Variants in NIBAN1 observed in about 807,000 individuals in gnomAD.
NIBAN1 encodes the protein protein Niban 1.
Under a neutral mutation model 75.1 loss-of-function variants are expected in NIBAN1, and 81 were observed. The observed-to-expected ratio is 1.08, with a 90% CI of 0.90 to 1.30. The LOEUF (loss-of-function observed/expected upper bound fraction) is 1.30, where lower values mean the gene tolerates loss of function less well. Among genes scored for constraint, NIBAN1 ranks in the 50% most tolerant of loss-of-function variants. The pLI is 0.00. For synonymous variants in NIBAN1, 436 were observed against 424.8 expected (o/e 1.03, Z -0.32); for missense variants, 1,133 against 1,128.1 (o/e 1.00, Z -0.06).
chr1:184,896,188 G>T (rs1433022311), intron 2 of NIBAN1, among the ~76,000 whole-genome samples: 2 of 152,094 alleles, frequency 1.3e-5, no homozygotes, highest in Non-Finnish European at 2.9e-5. Context: ...CAGTGTATGA[G>T]CATTTCCTTT....
chr1:184,915,742 G>T (rs939577178), intron 1 of NIBAN1, among the ~76,000 whole-genome samples: 1 of 152,194 alleles, frequency 6.6e-6, no homozygotes, highest in African/African-American at 2.4e-5. Context: ...AATGTAATTT[G>T]AATAACAGAT....
chr1:184,803,320 T>G (rs529051686), intron 12 of NIBAN1, among the ~76,000 whole-genome samples: 316 of 152,360 alleles, frequency 2.1e-3, no homozygotes, highest in Non-Finnish European at 3.9e-3. Flanking sequence ...GGTCAGCATA[T>G]CTGGCTAGCA....
intron 12 of NIBAN1, 105 bp from the exon 13 acceptor site, chr1:184,798,295 G>T (rs1366315639): frequency 1.5e-6 from 1 of 651,700 alleles, no homozygotes; most frequent in East Asian, 2.9e-5. Context: ...CTTCTTGGAG[G>T]GCATAAGAGA....
chr1:184,916,312 G>A (rs990874760), intron 1 of NIBAN1, among the ~76,000 whole-genome samples: 18 of 152,046 alleles, frequency 1.2e-4, no homozygotes, highest in African/African-American at 4.4e-4. Flanking sequence ...AGTTGTAATA[G>A]GTAAATACAT....
At chr1:184,922,960 T>A (rs758813050) in intron 1 of NIBAN1, among the ~76,000 whole-genome samples, 1 of 152,208 alleles carries the variant, frequency 6.6e-6, no homozygotes, top group Non-Finnish European at 1.5e-5. Flanking sequence ...ACATTCTGGT[T>A]ATCAGCCCCT....
chr1:184,863,742 G>T (rs1359035130), intron 5 of NIBAN1, among the ~76,000 whole-genome samples: 3 of 152,082 alleles, frequency 2.0e-5, no homozygotes, highest in African/African-American at 7.2e-5. Flanking sequence ...TCAAGCACTG[G>T]ACATACTCTA....
intron 1 of NIBAN1, among the ~76,000 whole-genome samples, chr1:184,926,517 C>A (rs1028226924): frequency 5.9e-5 from 9 of 152,190 alleles, no homozygotes; most frequent in Admixed American, 3.3e-4. Flanking sequence ...GGATTACAGA[C>A]ATGAGCCACC....
At chr1:184,817,019 C>T (rs1354073912) in intron 9 of NIBAN1, among the ~76,000 whole-genome samples, 2 of 152,146 alleles carry the variant, frequency 1.3e-5, no homozygotes, top group Admixed American at 6.5e-5. Context: ...AATGCTATCC[C>T]TCCACCTGCC....
At chr1:184,974,281 C>A in intron 1 of NIBAN1, 21 bp downstream of exon 1, 1 of 1,548,426 alleles carries the variant, frequency 6.5e-7, no homozygotes, top group Non-Finnish European at 8.7e-7. Flanking sequence ...GCTCCCCAGG[C>A]CCCCGGGCGG....
chr1:184,896,306 T>C (rs997649439), intron 2 of NIBAN1, among the ~76,000 whole-genome samples: 1 of 152,156 alleles, frequency 6.6e-6, no homozygotes, highest in African/African-American at 2.4e-5. Context: ...CTCTGATGAT[T>C]GGTGATATTG....
intron 12 of NIBAN1, among the ~76,000 whole-genome samples, chr1:184,799,197 C>A (rs1216298245): frequency 1.3e-5 from 2 of 151,948 alleles, no homozygotes; most frequent in African/African-American, 4.8e-5. Context: ...CCCCTCTCCC[C>A]CCACCCCACA....
chr1:184,910,069 G>C (rs1380740200), intron 1 of NIBAN1, among the ~76,000 whole-genome samples: 1 of 152,050 alleles, frequency 6.6e-6, no homozygotes, highest in African/African-American at 2.4e-5. Context: ...CTTCCATAAG[G>C]TGAGTTCACC....
rs1217013231 is a variant in NIBAN1, at chr1:184,968,060, G to A, written c.55+6242C>T. ...CTACTAAAAATACAAAAAATTAGCC[G>A]GGCGCGGTGGCGGGGGCCTGTAGTC... On this transcript the variant is annotated intron_variant, in intron 1 of 13. Transcript: ENST00000367511. Among the ~76,000 whole-genome samples the A allele has an allele frequency of 7.3e-5, 4 of 54,548 alleles. 2 individuals carry two copies. The East Asian group carries it at 1.2e-3, about 17-fold the overall frequency. The allele number at this position is 54,548 out of a possible 152,430, so 35.8% of individuals were successfully genotyped here. A position where few individuals can be genotyped will look rare whatever the true frequency, so the allele number is the denominator to read the frequency against.
chr1:184,942,006 C>T (rs527592206), intron 1 of NIBAN1, among the ~76,000 whole-genome samples: 4 of 152,290 alleles, frequency 2.6e-5, no homozygotes, highest in Non-Finnish European at 1.5e-5. Context: ...TACCTAATAA[C>T]CCAATAACAG....
chr1:184,955,447 C>T (rs1658465011), intron 1 of NIBAN1, among the ~76,000 whole-genome samples: 1 of 151,734 alleles, frequency 6.6e-6, no homozygotes, highest in African/African-American at 2.4e-5. Context: ...CAAGCCATTC[C>T]CCTGCCTCAG....
At chr1:184,851,761 G>T (rs1270319640) in intron 5 of NIBAN1, among the ~76,000 whole-genome samples, 1 of 151,922 alleles carries the variant, frequency 6.6e-6, no homozygotes, top group East Asian at 1.9e-4. Context: ...AGTTATGGGG[G>T]ATTTTGTACT....
chr1:184,933,320 A>C (rs1657873764), intron 1 of NIBAN1, among the ~76,000 whole-genome samples: 1 of 152,268 alleles, frequency 6.6e-6, no homozygotes, highest in South Asian at 2.1e-4. Flanking sequence ...TAAGGACAGG[A>C]AAAGTAATTC....
In NIBAN1 at chr1:184,794,475, A is replaced by G. The variant is rs531217222; in HGVS notation, c.*502T>C. On this transcript the variant is annotated 3_prime_UTR_variant, in exon 14 of 14. Transcript: ENST00000367511. Reference sequence around the variant, plus strand: ...CTACAGCCAGCACGGGTGACTGTTCATGACCTACCCTCTCTTGCAGTCTGA... The same window carrying G: ...CTACAGCCAGCACGGGTGACTGTTCGTGACCTACCCTCTCTTGCAGTCTGA... 3 of 213,630 alleles carry G rather than the reference A, an allele frequency of 1.4e-5. No individual in the cohort carries two copies. In the East Asian group the frequency reaches 4.0e-4, roughly 28 times the overall value. 13.2% of individuals were successfully genotyped at this position (213,630 alleles called of 1,614,324 possible). A position where few individuals can be genotyped will look rare whatever the true frequency, so the allele number is the denominator to read the frequency against.
chr1:184,875,938 C>A (rs892971527), intron 5 of NIBAN1, among the ~76,000 whole-genome samples: 2 of 152,022 alleles, frequency 1.3e-5, no homozygotes, highest in African/African-American at 2.4e-5. Flanking sequence ...CTTTGGGAGG[C>A]CAAGGCGGGT....
Sources: allele counts gnomAD v4.1 joint callset (sites outside exome capture counted in the v4.1 genomes callset), GRCh38; gene constraint gnomAD v4.1.1; transcripts MANE v1.5; gene names NCBI Gene and HGNC (gene_info 2026-07-23, HGNC 2026-07-21).